FAM83G: variants seen among roughly 807,000 people sequenced by gnomAD.
FAM83G encodes the protein protein FAM83G.
In FAM83G, 38 loss-of-function variants were observed where a neutral mutation model predicts 61.5. That is an observed-to-expected ratio of 0.62 (90% confidence interval 0.48 to 0.81). The LOEUF is 0.81. Among genes scored for constraint, FAM83G ranks in the 30% least tolerant of loss-of-function variants. The pLI is 0.00. For missense variants in FAM83G, 989 were observed against 1,133.6 expected (o/e 0.87, Z 1.83); for synonymous variants, 470 against 476.1 (o/e 0.99, Z 0.17).
In FAM83G at chr17:19,003,533, C is replaced by G. The variant is rs2152142992; in HGVS notation, c.509G>C (p.Ser170Thr). ...HIKEVVRKMI[S>T]QAQKVIAVVM... ...GCGCTGCCTCACCTTCTGTGCCTGG[C>G]TGATCATCTTCCGCACCACCTCTTT... Residue 170 changes from serine (S) to threonine (T), a missense_variant, in exon 2 of 6, where the codon AGC (serine) becomes ACC (threonine). By Grantham distance (58) the Ser-to-Thr change is moderately conservative (BLOSUM62 1). Coordinates refer to ENST00000388995, the MANE Select transcript of FAM83G (RefSeq NM_001039999.3). The surrounding 1 kb of genome is among the most constrained non-coding windows in gnomAD (Gnocchi z 4.5). 6.5e-7 allele frequency: 1 copy of G among 1,538,240 alleles called. No individual in the cohort carries two copies. The highest frequency in any genetic ancestry group is 1.7e-4 in the Middle Eastern group (1 of 5,722).
chr17:18,979,093 G>C (rs1413416767), intron 4 of FAM83G: 1 of 577,350 alleles, frequency 1.7e-6, no homozygotes, highest in Non-Finnish European at 3.1e-6. Flanking sequence ...TCTCAGGCTG[G>C]TACAGGATTC....
chr17:18,991,972 G>A (rs2043436985), intron 2 of FAM83G, among the ~76,000 whole-genome samples: 1 of 152,160 alleles, frequency 6.6e-6, no homozygotes, highest in South Asian at 2.1e-4. Flanking sequence ...TGCCTGGGGG[G>A]CAGAGGCAGG....
intron 2 of FAM83G, among the ~76,000 whole-genome samples, chr17:18,994,766 G>A (rs1359175828): frequency 6.6e-6 from 1 of 152,204 alleles, no homozygotes; most frequent in African/African-American, 2.4e-5. Flanking sequence ...AAGAACCAGA[G>A]TGTAGACATG....
intron 5 of FAM83G, chr17:18,976,953 A>G (rs551594244): frequency 1.2e-6 from 2 of 1,613,316 alleles, no homozygotes; most frequent in African/African-American, 2.7e-5. Context: ...GGGCCTGATC[A>G]TCATGCCGGG....
Position 19,000,286 on chromosome 17 carries a change from CA to C in FAM83G, c.522+3233del, listed in dbSNP as rs1232608949. Among the ~76,000 whole-genome samples, 1 of 152,176 alleles carries C rather than the reference CA, an allele frequency of 6.6e-6. No individual in the cohort carries two copies. The highest frequency in any genetic ancestry group is 1.5e-5 in the Non-Finnish European group (1 of 68,026). ...CCTGGGACCCACCCGCCTCTTGTCC[CA>C]GGGGAGTCTAGGATCACAGGGCAGC... On this transcript the variant is annotated intron_variant, in intron 2 of 5. Transcript: ENST00000388995. The surrounding 1 kb of genome is among the most constrained non-coding windows in gnomAD (Gnocchi z 5.2).
At position 18,969,230 on chromosome 17, in the gene FAM83G, G is replaced by A; in HGVS notation, c.*2129C>T. ...GTCAGAAGGCCACCTCCCCCTACAG[G>A]CCCGAGGGAGCAGCCCAGGAAGTGG... On this transcript the variant is annotated 3_prime_UTR_variant, in exon 6 of 6. Transcript: ENST00000388995. 6.3e-7 allele frequency: 1 copy of A among 1,578,616 alleles called. No homozygotes were observed. Among genetic ancestry groups the A allele is most frequent in the Admixed American group, 1.7e-5 (1 of 58,298 alleles).
chr17:18,974,576 A>G (rs2042933873), intron 5 of FAM83G, among the ~76,000 whole-genome samples: 1 of 152,170 alleles, frequency 6.6e-6, no homozygotes, highest in Admixed American at 6.5e-5. Flanking sequence ...CTTAGTCAGT[A>G]GCAGCCACCT....
chr17:18,998,317 A>G (rs1012580686), intron 2 of FAM83G, among the ~76,000 whole-genome samples: 7 of 152,232 alleles, frequency 4.6e-5, no homozygotes, highest in Non-Finnish European at 7.3e-5. Flanking sequence ...ACAAGTGAAG[A>G]AACTGAGGCC....
upstream of FAM83G, among the ~76,000 whole-genome samples, chr17:19,005,538 C>T (rs1039865837): frequency 5.1e-4 from 78 of 152,192 alleles, no homozygotes; most frequent in African/African-American, 1.9e-3. Flanking sequence ...CAGGCCCAGC[C>T]CTTCCTCCCA....
intron 3 of FAM83G, among the ~76,000 whole-genome samples, chr17:18,981,682 T>C (rs1175271784): frequency 6.6e-6 from 1 of 152,166 alleles, no homozygotes; most frequent in Non-Finnish European, 1.5e-5. Flanking sequence ...CCCCATCTGA[T>C]GCCCACCTGT....
Position 18,971,372 on chromosome 17 carries a change from C to CGGT in FAM83G, c.2456_2458dup (p.Asp819_Arg820insHis), listed in dbSNP as rs3071666. The CGGT allele has an allele frequency of 0.59, 946,626 of 1,611,090 alleles. 279,503 individuals carry two copies. Among genetic ancestry groups the CGGT allele is most frequent in the African/African-American group, 0.67 (50,095 of 74,772 alleles). On this transcript the variant is annotated inframe_insertion, in exon 6 of 6. Transcript: ENST00000388995. This position sits in a 1 kb window ranked among gnomAD's most constrained non-coding sequence, Gnocchi z 5.5. Reference sequence around the variant, plus strand: ...TGGGACATGCTGCTAGGGGTCTTTGCGGTCCCGGGGGGCTTGAGCCCTCCG... The same window carrying CGGT: ...TGGGACATGCTGCTAGGGGTCTTTGCGGTGGTCCCGGGGGGCTTGAGCCCTCCG...
At chr17:18,992,253 CCTCT>C (rs2043445595) in intron 2 of FAM83G, among the ~76,000 whole-genome samples, 1 of 152,200 alleles carries the variant, frequency 6.6e-6, no homozygotes, top group Non-Finnish European at 1.5e-5. Flanking sequence ...CCCCCACCTC[CCTCT>C]GTGTCCTTGG....
chr17:18,975,699 G>GA (rs372950526), intron 5 of FAM83G: 177 of 148,358 alleles, frequency 1.2e-3, no homozygotes, highest in Non-Finnish European at 2.1e-3. Context: ...CCATCTCAAA[G>GA]AAAAAAAAAA....
Position 18,977,913 on chromosome 17 carries a change from C to T in FAM83G, c.1753G>A (p.Asp585Asn). Residue 585 changes from aspartate to asparagine, a missense_variant, in exon 5 of 6, where the codon GAC (aspartate) becomes AAC (asparagine). Asp to Asn is a conservative substitution (Grantham distance 23). Coordinates refer to ENST00000388995, the MANE Select transcript of FAM83G (RefSeq NM_001039999.3). The part of the protein sequence containing the change: ...GLDGVEEEDD[D>N]DYVTLSDQDS... The stretch of plus-strand genomic sequence containing the variant: ...TGGTCACTGAGGGTTACGTAGTCGT[C>T]ATCATCTTCTTCTTCCACCCCATCC... 6.2e-7 allele frequency: 1 copy of T among 1,610,338 alleles called. No homozygotes were observed. Among genetic ancestry groups the T allele is most frequent in the African/African-American group, 1.3e-5 (1 of 75,024 alleles).
chr17:18,983,423 A>G (rs1156598252), intron 3 of FAM83G, among the ~76,000 whole-genome samples: 1 of 152,174 alleles, frequency 6.6e-6, no homozygotes, highest in Non-Finnish European at 1.5e-5. Flanking sequence ...TTGGTTTTAT[A>G]ATGGAAGCCA....
chr17:18,970,876 C>A lies in FAM83G; in HGVS notation c.*483G>T. The A allele has an allele frequency of 2.8e-6, 2 of 722,378 alleles. No homozygotes were observed. The highest frequency in any genetic ancestry group is 1.7e-5 in the South Asian group (1 of 57,972). 44.7% of individuals were successfully genotyped at this position (722,378 alleles called of 1,614,324 possible). On this transcript the variant is annotated 3_prime_UTR_variant, in exon 6 of 6. Coordinates refer to ENST00000388995, the MANE Select transcript of FAM83G (RefSeq NM_001039999.3). ...CCCTCTACCCTCACACCTTTCCAAA[C>A]ACTGGGAAAGATGAGGTGGAAAAAA...
At chr17:18,985,677 C>T (rs545582444) in intron 3 of FAM83G, among the ~76,000 whole-genome samples, 11 of 152,226 alleles carry the variant, frequency 7.2e-5, no homozygotes, top group African/African-American at 2.7e-4. Flanking sequence ...GAAGGGCAAG[C>T]TCAGAGGCGA....
chr17:18,983,720 G>A (rs543662937), intron 3 of FAM83G, among the ~76,000 whole-genome samples: 25 of 152,306 alleles, frequency 1.6e-4, no homozygotes, highest in African/African-American at 6.0e-4. Flanking sequence ...GAGAGGGGTG[G>A]TCAACACTCA....
intron 2 of FAM83G, among the ~76,000 whole-genome samples, chr17:18,995,724 A>C (rs982104409): frequency 2.0e-5 from 3 of 152,166 alleles, no homozygotes; most frequent in Non-Finnish European, 2.9e-5. Flanking sequence ...CCTGGCCAAC[A>C]TGGCAAAACC....
Sources: allele counts gnomAD v4.1 joint callset (sites outside exome capture counted in the v4.1 genomes callset), GRCh38; gene constraint gnomAD v4.1.1; non-coding constraint Gnocchi (gnomAD v3.1); transcripts MANE v1.5; gene names NCBI Gene and HGNC (gene_info 2026-07-23, HGNC 2026-07-21).